Variants in KDM4A observed in about 807,000 individuals in gnomAD.
KDM4A encodes lysine-specific demethylase 4A.
In KDM4A, 23 loss-of-function variants were observed where a neutral mutation model predicts 127.1. The observed-to-expected ratio is 0.18, with a 90% CI of 0.13 to 0.26. The LOEUF (loss-of-function observed/expected upper bound fraction) is 0.26, where lower values mean the gene tolerates loss of function less well. Ranked by LOEUF, KDM4A falls within the 10% of genes least tolerant of loss-of-function variation. KDM4A has a pLI of 1.00. For synonymous variants in KDM4A, 443 were observed against 466.5 expected (o/e 0.95, Z 0.65); for missense variants, 890 against 1,329.1 (o/e 0.67, Z 5.14).
At chr1:43,686,640 C>T (rs996647914) in intron 12 of KDM4A, among the ~76,000 whole-genome samples, 1 of 152,152 alleles carries the variant, frequency 6.6e-6, no homozygotes, top group African/African-American at 2.4e-5. Context: ...CCCAGCCCCA[C>T]AATATCCTTT....
At chr1:43,657,405 G>A (rs2154046455) in intron 3 of KDM4A, among the ~76,000 whole-genome samples, 1 of 152,050 alleles carries the variant, frequency 6.6e-6, no homozygotes, top group African/African-American at 2.4e-5. Flanking sequence ...GTTTCACCAT[G>A]TTGGCCAGGA....
rs180755015 is a variant in KDM4A, at chr1:43,673,476, G to A, written c.1734+1601G>A. Among the ~76,000 whole-genome samples, 5 of 151,786 alleles carry A rather than the reference G, an allele frequency of 3.3e-5. No homozygotes were observed. The East Asian group carries it at 9.7e-4, about 29-fold the overall frequency. On this transcript the variant is annotated intron_variant, in intron 11 of 21. Transcript: ENST00000372396. ...ACTCAGTCATATTCACATTTCCCTA[G>A]TGTTGCCAATAGTCCCTTTTTATGG...
In KDM4A at chr1:43,671,706, C is replaced by G. The variant is rs1284416696; in HGVS notation, c.1565C>G (p.Ser522Cys). The G allele has an allele frequency of 6.2e-7, 1 of 1,613,696 alleles. No individual in the cohort carries two copies. The highest frequency in any genetic ancestry group is 8.5e-7 in the Non-Finnish European group (1 of 1,179,816). Reference sequence around the variant, plus strand: ...TCTGGCTCTTCACGGGATTCTATCTCTTCTGATTCAGAAACTAGTGAGCCT... The same window carrying G: ...TCTGGCTCTTCACGGGATTCTATCTGTTCTGATTCAGAAACTAGTGAGCCT... ...LGSGSSRDSI[S>C]SDSETSEPLS... Residue 522 changes from serine (S) to cysteine (C), a missense_variant, in exon 11 of 22, where the codon TCT (serine) becomes TGT (cysteine). Physicochemically the swap from Ser to Cys is moderately radical, Grantham distance 112 (BLOSUM62 -1). Transcript: ENST00000372396.
Position 43,655,625 on chromosome 1 carries a change from C to T in KDM4A, c.173C>T (p.Ser58Phe). ...CCAAAAGAGTGGAAGCCACGAGCAT[C>T]CTATGATGACATTGATGATTTGGTC... ...VPPKEWKPRA[S>F]YDDIDDLVIP... The change falls in exon 3 of 22, where the codon TCC becomes TTC. Residue 58 changes from serine (S) to phenylalanine (F), a missense_variant. Physicochemically the swap from Ser to Phe is radical, Grantham distance 155. Coordinates refer to ENST00000372396, the MANE Select transcript of KDM4A (RefSeq NM_014663.3). 1.9e-6 allele frequency: 3 copies of T among 1,612,444 alleles called. No individual in the cohort carries two copies. Among genetic ancestry groups the T allele is most frequent in the Non-Finnish European group, 2.5e-6 (3 of 1,179,632 alleles).
rs1180053062 is a variant in KDM4A, at chr1:43,694,511, G to A, written c.2485-198G>A. Among the ~76,000 whole-genome samples the A allele has an allele frequency of 3.0e-5, 4 of 134,876 alleles. No individual in the cohort carries two copies. Among genetic ancestry groups the A allele is most frequent in the Admixed American group, 7.4e-5 (1 of 13,552 alleles). 88.5% of individuals were successfully genotyped at this position (134,876 alleles called of 152,430 possible). On this transcript the variant is annotated intron_variant, in intron 17 of 21. Transcript: ENST00000372396. This position sits in a 1 kb window ranked among gnomAD's most constrained non-coding sequence, Gnocchi z 5.2. ...AGCCTGGGTGACAGAGCAAGACTCC[G>A]TCTCAAAAAAAAAAAAAAAAAAATT...
chr1:43,682,608 A>G (rs989566139), intron 11 of KDM4A, among the ~76,000 whole-genome samples: 1 of 152,206 alleles, frequency 6.6e-6, no homozygotes, highest in African/African-American at 2.4e-5. Context: ...GTAGGTGCCC[A>G]GTGAATATTT....
At chr1:43,673,379 C>T (rs1328690825) in intron 11 of KDM4A, among the ~76,000 whole-genome samples, 2 of 152,186 alleles carry the variant, frequency 1.3e-5, no homozygotes, top group Admixed American at 6.5e-5. Context: ...CGAGCCCCCG[C>T]GTGTACTCAT....
intron 12 of KDM4A, among the ~76,000 whole-genome samples, chr1:43,684,594 C>G (rs1015539586): frequency 6.6e-6 from 1 of 152,152 alleles, no homozygotes; most frequent in Non-Finnish European, 1.5e-5. Flanking sequence ...GAACTACAGT[C>G]AGCTCAGTGT....
rs141350023 is a variant in KDM4A, at chr1:43,691,178, A to G, written c.2242+129A>G. On this transcript the variant is annotated intron_variant, in intron 14 of 21. Coordinates refer to ENST00000372396, the MANE Select transcript of KDM4A (RefSeq NM_014663.3). The stretch of plus-strand genomic sequence containing the variant: ...ATGTTTTATTGGGGAGTCTGTTGCT[A>G]GCTGATTTTTCACTGTCTCCAGGGG... 2,060 of 951,692 alleles carry G rather than the reference A, an allele frequency of 2.2e-3. 27 individuals are homozygous for G. The African/African-American group carries it at 0.029, about 13-fold the overall frequency. 59.0% of individuals were successfully genotyped at this position (951,692 alleles called of 1,614,324 possible).
intron 18 of KDM4A, among the ~76,000 whole-genome samples, chr1:43,697,037 GA>G (rs1445921525): frequency 6.6e-6 from 1 of 152,244 alleles, no homozygotes; most frequent in Non-Finnish European, 1.5e-5. Context: ...AAGGGGAATG[GA>G]AGATGAAGTA....
intron 20 of KDM4A, 74 bp downstream of exon 20, chr1:43,703,810 G>A (rs1295319913): frequency 5.7e-6 from 9 of 1,585,778 alleles, no homozygotes; most frequent in East Asian, 2.2e-5. Flanking sequence ...GGCCAGAGGC[G>A]AGTCTTTGCT....
chr1:43,679,553 G>A (rs1660813042), intron 11 of KDM4A, among the ~76,000 whole-genome samples: 1 of 152,096 alleles, frequency 6.6e-6, no homozygotes, highest in South Asian at 2.1e-4. Flanking sequence ...CTGTAATCTG[G>A]GCTGCCTGCT....
intron 11 of KDM4A, among the ~76,000 whole-genome samples, chr1:43,676,910 G>A (rs1660753304): frequency 6.6e-6 from 1 of 152,102 alleles, no homozygotes; most frequent in African/African-American, 2.4e-5. Context: ...TCACCCTACT[G>A]ATTTGTCAAA....
At chr1:43,692,378 G>A in intron 16 of KDM4A, 67 bp downstream of exon 16, 2 of 1,346,542 alleles carry the variant, frequency 1.5e-6, no homozygotes, top group Non-Finnish European at 2.1e-6. Flanking sequence ...GTCTTTGTGA[G>A]GGTACTAGCT....
rs559160486 is a variant in KDM4A at position 43,704,599 on chromosome 1, G to A, written c.*229G>A. ...CAGTCGCTGATCTCCCAGCTGAGGG[G>A]CTGAGCACTGGAATGCTGTGGCTGC... On this transcript the variant is annotated 3_prime_UTR_variant, in exon 22 of 22. Coordinates refer to ENST00000372396, the MANE Select transcript of KDM4A (RefSeq NM_014663.3). The A allele has an allele frequency of 1.7e-5, 9 of 528,268 alleles. No individual in the cohort carries two copies. The highest frequency in any genetic ancestry group is 3.0e-5 in the Non-Finnish European group (9 of 298,226). The allele number at this position is 528,268 out of a possible 1,614,324, so 32.7% of individuals were successfully genotyped here.
chr1:43,668,310 A>G (rs1020529170), intron 9 of KDM4A, among the ~76,000 whole-genome samples: 1 of 151,992 alleles, frequency 6.6e-6, no homozygotes, highest in African/African-American at 2.4e-5. Flanking sequence ...TATTTTTAGT[A>G]GAGACAGGGT....
chr1:43,677,033 G>A (rs974037974), intron 11 of KDM4A, among the ~76,000 whole-genome samples: 1 of 152,134 alleles, frequency 6.6e-6, no homozygotes, highest in African/African-American at 2.4e-5. Flanking sequence ...CCCTACTTCA[G>A]TGTGTATCTC....
Position 43,655,729 on chromosome 1 carries a change from A to G in KDM4A, c.277A>G (p.Thr93Ala), listed in dbSNP as rs764982451. The change falls in exon 3 of 22, where the codon ACT becomes GCT. Residue 93 changes from threonine (T) to alanine (A), a missense_variant. Thr to Ala is a moderately conservative substitution (Grantham distance 58). This residue lies in a region of KDM4A where 41 missense variants were observed against 40.8 expected (regional missense o/e 1.00). Transcript: ENST00000372396. ...TQYNIQKKAM[T>A]VREFRKIANS... is the part of the protein sequence containing the mutation. Reference sequence around the variant, plus strand: ...GTACAACATACAGAAGAAAGCCATGACTGTTCGAGAGTTCCGCAAGATAGC... The same window carrying G: ...GTACAACATACAGAAGAAAGCCATGGCTGTTCGAGAGTTCCGCAAGATAGC... 6.2e-7 allele frequency: 1 copy of G among 1,612,504 alleles called. No homozygotes were observed. The highest frequency in any genetic ancestry group is 1.1e-5 in the South Asian group (1 of 90,688).
chr1:43,655,906 T>A (rs1279990157), intron 3 of KDM4A, 140 bp downstream of exon 3: 1 of 560,328 alleles, frequency 1.8e-6, no homozygotes. Flanking sequence ...CCCTTTCTGC[T>A]TTTTTTATGG....
Sources: gnomAD v4.1 joint callset for allele counts (sites outside exome capture counted in the v4.1 genomes callset) on GRCh38, gnomAD v4.1.1 for gene constraint, gnomAD v4.1.1 regional missense constraint, Gnocchi (gnomAD v3.1) non-coding constraint, MANE v1.5 for transcripts, NCBI Gene and HGNC (gene_info 2026-07-23, HGNC 2026-07-21) for gene names.